ODAD2: variants seen among roughly 807,000 people sequenced by gnomAD.
ODAD2 encodes outer dynein arm-docking complex subunit 2.
A neutral mutation model predicts 106.8 loss-of-function variants in ODAD2; 89 were observed. The observed-to-expected ratio is 0.83, with a 90% CI of 0.70 to 0.99. The LOEUF is 0.99. Among genes scored for constraint, ODAD2 ranks in the 50% least tolerant of loss-of-function variants. The pLI is 0.00. For missense variants in ODAD2, 1,168 were observed against 1,238.5 expected, an observed-to-expected ratio of 0.94 and a Z score of 0.85; for synonymous variants, 404 against 436.2, an observed-to-expected ratio of 0.93 and a Z score of 0.92.
chr10:27,842,348 T>A (rs1280616499), intron 19 of ODAD2, among the ~76,000 whole-genome samples: 1 of 152,022 alleles, frequency 6.6e-6, no homozygotes, highest in Non-Finnish European at 1.5e-5. Context: ...TTTATTTCAT[T>A]TCTTTGAAAA....
intron 7 of ODAD2, among the ~76,000 whole-genome samples, chr10:27,977,380 C>G (rs1416258526): frequency 6.7e-6 from 1 of 148,204 alleles, no homozygotes; most frequent in Non-Finnish European, 1.5e-5. Flanking sequence ...CTGGCTAACA[C>G]GGTGAAACCC....
chr10:27,990,074 A>C (rs182482888), intron 2 of ODAD2, among the ~76,000 whole-genome samples: 90 of 152,290 alleles, frequency 5.9e-4, no homozygotes, highest in African/African-American at 2.1e-3. Context: ...GAAGGGAGCT[A>C]AAAATTCTGT....
chr10:27,926,531 T>C (rs1004367185), intron 16 of ODAD2, among the ~76,000 whole-genome samples: 1 of 152,106 alleles, frequency 6.6e-6, no homozygotes, highest in African/African-American at 2.4e-5. Flanking sequence ...TGGACTTGAA[T>C]AATGGAAGGT....
chr10:27,869,764 A>C (rs1840721588), intron 17 of ODAD2, among the ~76,000 whole-genome samples: 1 of 151,962 alleles, frequency 6.6e-6, no homozygotes, highest in Non-Finnish European at 1.5e-5. Flanking sequence ...CGAACTCTTG[A>C]CCTTAAGTGA....
chr10:27,997,851 A>C (rs1189653187), intron 1 of ODAD2, among the ~76,000 whole-genome samples: 1 of 152,220 alleles, frequency 6.6e-6, no homozygotes, highest in Non-Finnish European at 1.5e-5. Flanking sequence ...CCATAGTTAA[A>C]ATGAATCCAT....
chr10:27,875,771 G>A (rs1841292790), intron 17 of ODAD2, among the ~76,000 whole-genome samples: 1 of 152,178 alleles, frequency 6.6e-6, no homozygotes, highest in Admixed American at 6.5e-5. Flanking sequence ...GGAAGCACAA[G>A]GGGTCAGGGA....
intron 19 of ODAD2, among the ~76,000 whole-genome samples, chr10:27,848,018 T>C (rs1405695204): frequency 6.6e-6 from 1 of 152,202 alleles, no homozygotes; most frequent in Non-Finnish European, 1.5e-5. Flanking sequence ...ATAGATTCAA[T>C]GCCATTCCCA....
At position 27,812,313 on chromosome 10, in the gene ODAD2, C is replaced by T. The variant is rs1004002471; in HGVS notation, c.*199G>A. 16 of 553,382 alleles carry T rather than the reference C, an allele frequency of 2.9e-5. No individual in the cohort carries two copies. The highest frequency in any genetic ancestry group is 5.9e-5 in the African/African-American group (3 of 50,506). 34.3% of individuals were successfully genotyped at this position (553,382 alleles called of 1,614,324 possible). On this transcript the variant is annotated 3_prime_UTR_variant, in exon 20 of 20. Coordinates refer to ENST00000305242, the MANE Select transcript of ODAD2 (RefSeq NM_018076.5). ...TTCCATCTTATCACATGTCATATCT[C>T]GAAAACATTAAATAGAAACAAAAGT...
intron 7 of ODAD2, among the ~76,000 whole-genome samples, chr10:27,973,519 T>C (rs1476555976): frequency 6.6e-6 from 1 of 152,104 alleles, no homozygotes; most frequent in Non-Finnish European, 1.5e-5. Context: ...CCCCAGGGTC[T>C]ATTGCTCCCC....
At chr10:27,921,873 T>A (rs1844810404) in intron 16 of ODAD2, among the ~76,000 whole-genome samples, 1 of 146,674 alleles carries the variant, frequency 6.8e-6, no homozygotes, top group African/African-American at 2.5e-5. Flanking sequence ...AACTTGGGAA[T>A]CAAGAACTTT....
intron 17 of ODAD2, among the ~76,000 whole-genome samples, chr10:27,891,122 G>T (rs1175053074): frequency 6.6e-6 from 1 of 152,158 alleles, no homozygotes; most frequent in Non-Finnish European, 1.5e-5. Flanking sequence ...CCGTTGGGCA[G>T]CTGAAGTTAA....
intron 9 of ODAD2, among the ~76,000 whole-genome samples, chr10:27,966,717 T>A (rs1426195525): frequency 2.6e-5 from 4 of 152,210 alleles, no homozygotes; most frequent in African/African-American, 9.6e-5. Context: ...GTAATAGCTG[T>A]TGCTTGGATA....
chr10:27,970,532 GTTC>G (rs1287860142), intron 8 of ODAD2, among the ~76,000 whole-genome samples: 1 of 152,124 alleles, frequency 6.6e-6, no homozygotes, highest in Non-Finnish European at 1.5e-5. Context: ...AGTGAATTGT[GTTC>G]TTCTCTTCCC....
intron 19 of ODAD2, among the ~76,000 whole-genome samples, chr10:27,843,626 G>C (rs77908800): frequency 0.033 from 5,080 of 152,146 alleles, 290 homozygotes; most frequent in African/African-American, 0.12. Context: ...AAATTAGCTG[G>C]GTGTGGTGGC....
chr10:27,981,539 C>G lies in ODAD2; in HGVS notation c.863G>C (p.Gly288Ala). The change falls in exon 7 of 20, where the codon GGT becomes GCT. Residue 288 changes from glycine (G) to alanine (A), a missense_variant. Coordinates refer to ENST00000305242, the MANE Select transcript of ODAD2 (RefSeq NM_018076.5). Reference protein sequence around the residue: ...DEGDVNYERKGSIYKNLVTFL... With the variant: ...DEGDVNYERKASIYKNLVTFL... ...TGTGACAAGGTTTTTATAAATTGAA[C>G]CTTTTCTCTCATAATTAACGTCCCC... 1 of 1,538,676 alleles carries G rather than the reference C, an allele frequency of 6.5e-7. No individual in the cohort carries two copies. Among genetic ancestry groups the G allele is most frequent in the Non-Finnish European group, 8.6e-7 (1 of 1,156,240 alleles).
At chr10:27,992,106 G>A (rs184629862) in intron 2 of ODAD2, among the ~76,000 whole-genome samples, 1 of 152,124 alleles carries the variant, frequency 6.6e-6, no homozygotes, top group Admixed American at 6.5e-5. Flanking sequence ...TAAAGCATCT[G>A]GTACTTTCCA....
chr10:27,954,354 C>T (rs991352616), intron 10 of ODAD2, among the ~76,000 whole-genome samples: 9 of 152,108 alleles, frequency 5.9e-5, no homozygotes, highest in South Asian at 4.1e-4. Context: ...AGAAATTCCC[C>T]GAAAAGATCT....
intron 10 of ODAD2, among the ~76,000 whole-genome samples, chr10:27,949,524 GA>G (rs1453771865): frequency 6.6e-6 from 1 of 152,088 alleles, no homozygotes; most frequent in Non-Finnish European, 1.5e-5. Context: ...CCACCAGTCG[GA>G]GCAAACAGTA....
intron 19 of ODAD2, among the ~76,000 whole-genome samples, chr10:27,829,786 AACTG>A (rs773387106): frequency 2.0e-5 from 3 of 152,208 alleles, no homozygotes; most frequent in Non-Finnish European, 4.4e-5. Flanking sequence ...CAGTGAAAGA[AACTG>A]AATGAGTTTT....
Sources: allele counts gnomAD v4.1 joint callset (sites outside exome capture counted in the v4.1 genomes callset), GRCh38; gene constraint gnomAD v4.1.1; transcripts MANE v1.5; gene names NCBI Gene and HGNC (gene_info 2026-07-23, HGNC 2026-07-21).